COA1: variants seen among roughly 807,000 people sequenced by gnomAD.
The protein encoded by COA1 is cytochrome c oxidase assembly factor 1 homolog.
Under a neutral mutation model 16.0 loss-of-function variants are expected in COA1, and 13 were observed. That is an observed-to-expected ratio of 0.81 (90% CI 0.53 to 1.29). COA1 has a LOEUF of 1.29. Ranked by LOEUF, COA1 falls within the 50% of genes most tolerant of loss-of-function variation. The pLI is 0.00. For missense variants in COA1, 179 were observed against 177.0 expected, an observed-to-expected ratio of 1.01 and a Z score of -0.06; for synonymous variants, 65 against 65.7, an observed-to-expected ratio of 0.99 and a Z score of 0.05.
At chr7:43,712,940 T>C (rs2095295336) in intron 1 of COA1, among the ~76,000 whole-genome samples, 1 of 152,098 alleles carries the variant, frequency 6.6e-6, no homozygotes, top group Non-Finnish European at 1.5e-5. Context: ...TACATATATA[T>C]GGTTTTTTTG....
intron 6 of COA1, among the ~76,000 whole-genome samples, chr7:43,614,809 A>G (rs1270981069): frequency 6.6e-6 from 1 of 152,232 alleles, no homozygotes; most frequent in Non-Finnish European, 1.5e-5. Flanking sequence ...AGATTTTAAT[A>G]ATTTGATCAC....
rs541091696 is a variant in COA1, at chr7:43,674,515, G to A, written c.-38-25863C>T. Among the ~76,000 whole-genome samples the A allele has an allele frequency of 7.9e-5, 12 of 152,292 alleles. No homozygotes were observed. The South Asian group carries it at 1.2e-3, about 16-fold the overall frequency. On this transcript the variant is annotated intron_variant, in intron 1 of 5. Transcript: ENST00000223336. ...CTTTATAAAACTCTATAATTTTGAG[G>A]AAGAGTTGGAGAAATCACCCTAAAC...
intron 6 of COA1, among the ~76,000 whole-genome samples, chr7:43,614,722 TAAC>T (rs2083189379): frequency 6.6e-6 from 1 of 152,250 alleles, no homozygotes; most frequent in South Asian, 2.1e-4. Context: ...CTCAGTTGTT[TAAC>T]TTCATTTTTA....
intron 1 of COA1, among the ~76,000 whole-genome samples, chr7:43,663,666 CAAA>C (rs759423078): frequency 1.4e-5 from 1 of 70,620 alleles, no homozygotes; most frequent in Non-Finnish European, 2.5e-5. Context: ...GACCCTATCT[CAAA>C]AAAAAAAAAA....
chr7:43,718,724 C>T (rs6942465), intron 1 of COA1, among the ~76,000 whole-genome samples: 18 of 152,148 alleles, frequency 1.2e-4, no homozygotes, highest in African/African-American at 4.1e-4. Flanking sequence ...AGATACTTGG[C>T]TTTGCTACTT....
At chr7:43,652,498 T>C (rs1385261775) in intron 1 of COA1, among the ~76,000 whole-genome samples, 1 of 152,232 alleles carries the variant, frequency 6.6e-6, no homozygotes, top group East Asian at 1.9e-4. Flanking sequence ...CTTATGGTCA[T>C]GCAGCTATTC....
At chr7:43,667,852 T>C (rs1241379937) in intron 1 of COA1, among the ~76,000 whole-genome samples, 1 of 152,246 alleles carries the variant, frequency 6.6e-6, no homozygotes. Flanking sequence ...AGGAAACTTA[T>C]TTTAACTATT....
Position 43,628,667 on chromosome 7 carries a change from CATG to C in COA1, c.*133+10779_*133+10781del, listed in dbSNP as rs565266587. Among the ~76,000 whole-genome samples, 42 of 152,266 alleles carry C rather than the reference CATG, an allele frequency of 2.8e-4. 1 individual carries two copies. The highest frequency in any genetic ancestry group is 2.0e-3 in the Admixed American group (31 of 15,294). ...TGCTTCTGGATATGTGGCGGTATCT[CATG>C]GTGGTTTAGTTTGCATTTCCCTGAT... On this transcript the variant is annotated intron_variant and NMD_transcript_variant, in intron 6 of 6. Coordinates refer to the COA1 transcript ENST00000415076.
chr7:43,649,331 A>G (rs2090277057), intron 1 of COA1: 1 of 152,270 alleles, frequency 6.6e-6, no homozygotes, highest in Non-Finnish European at 1.5e-5. Flanking sequence ...GTCTGGCTCC[A>G]GCATCTGCTC....
intron 1 of COA1, among the ~76,000 whole-genome samples, chr7:43,670,187 G>A (rs777887647): frequency 1.5e-4 from 23 of 152,092 alleles, no homozygotes; most frequent in Non-Finnish European, 2.5e-4. Flanking sequence ...AGTGGTTCAC[G>A]CCTGTAATCC....
Position 43,647,372 on chromosome 7 carries a change from GAT to G in COA1, c.115+161_115+162del. 4 of 628,860 alleles carry G rather than the reference GAT, an allele frequency of 6.4e-6. No individual in the cohort carries two copies. In the South Asian group the frequency reaches 7.6e-5, roughly 12 times the overall value. The allele number at this position is 628,860 out of a possible 1,614,324, so 39.0% of individuals were successfully genotyped here. On this transcript the variant is annotated intron_variant, in intron 3 of 5. Coordinates refer to ENST00000223336, the MANE Select transcript of COA1 (RefSeq NM_018224.4). The stretch of plus-strand genomic sequence containing the variant: ...GCTCCTGGAAAAACTGAGATTACAG[GAT>G]ACAGAGGAAGCTATAGCCAACGAAA...
chr7:43,682,302 T>G (rs1355582292), intron 1 of COA1, among the ~76,000 whole-genome samples: 2 of 152,238 alleles, frequency 1.3e-5, no homozygotes, highest in Non-Finnish European at 2.9e-5. Flanking sequence ...TGAGAAATTA[T>G]TGATCACTAC....
chr7:43,640,342 T>C (rs1435015517), intron 5 of COA1, among the ~76,000 whole-genome samples: 1 of 152,214 alleles, frequency 6.6e-6, no homozygotes, highest in Non-Finnish European at 1.5e-5. Flanking sequence ...GTTTTACAAA[T>C]TCAACGGCAT....
chr7:43,723,591 TG>T (rs2095552533), intron 1 of COA1, among the ~76,000 whole-genome samples: 1 of 151,698 alleles, frequency 6.6e-6, no homozygotes, highest in African/African-American at 2.4e-5. Flanking sequence ...TCTGTCATGA[TG>T]GGTAATTTCC....
At chr7:43,680,757 C>A (rs1309871262) in intron 1 of COA1, among the ~76,000 whole-genome samples, 2 of 152,108 alleles carry the variant, frequency 1.3e-5, no homozygotes, top group Non-Finnish European at 2.9e-5. Context: ...TCACTTGAGC[C>A]CAGGAGTTCG....
At position 43,710,396 on chromosome 7, in the gene COA1, T is replaced by TATATATA. The variant is rs1210512835; in HGVS notation, c.-39+19032_-39+19033insTATATAT. Among the ~76,000 whole-genome samples, 18 of 97,514 alleles carry TATATATA rather than the reference T, an allele frequency of 1.8e-4. 1 individual carries two copies. The highest frequency in any genetic ancestry group is 3.6e-4 in the Non-Finnish European group (16 of 44,904). The allele number at this position is 97,514 out of a possible 152,430, so 64.0% of individuals were successfully genotyped here. ...AAAAAATATATATATATATATATAT[T>TATATATA]TTTAAGATATGTCCTAAACAGTTGA... On this transcript the variant is annotated intron_variant, in intron 1 of 5. Coordinates refer to ENST00000223336, the MANE Select transcript of COA1 (RefSeq NM_018224.4).
rs751652291 is a variant in COA1, at chr7:43,647,618, C to T, written c.32G>A (p.Arg11Gln). 1.2e-5 allele frequency: 19 copies of T among 1,612,416 alleles called. No homozygotes were observed. Among genetic ancestry groups the T allele is most frequent in the African/African-American group, 9.3e-5 (7 of 74,870 alleles). ...GATCCTTGCTCCCAGAGGCATTGAC[C>T]GCCTGCTTCCTGCATACTTAAAAAC... MMWQKYAGSR[R>Q]SMPLGARILF... Residue 11 changes from arginine (R) to glutamine (Q), a missense_variant, in exon 3 of 6, where the codon CGG becomes CAG. Physicochemically the swap from Arg to Gln is conservative, Grantham distance 43. Coordinates refer to ENST00000223336, the MANE Select transcript of COA1 (RefSeq NM_018224.4).
chr7:43,647,944 G>A (rs879544558), intron 2 of COA1: 17 of 323,990 alleles, frequency 5.2e-5, no homozygotes, highest in Admixed American at 1.8e-4. Flanking sequence ...CCCAGACTGT[G>A]TGCCAAGCCC....
chr7:43,634,228 T>A (rs1455872157), intron 6 of COA1, among the ~76,000 whole-genome samples: 2 of 152,250 alleles, frequency 1.3e-5, no homozygotes, highest in Non-Finnish European at 2.9e-5. Flanking sequence ...GGTTGACATT[T>A]GCCTGGTTCT....
Sources: gnomAD v4.1 joint callset for allele counts (sites outside exome capture counted in the v4.1 genomes callset) on GRCh38, gnomAD v4.1.1 for gene constraint, MANE v1.5 for transcripts, NCBI Gene and HGNC (gene_info 2026-07-23, HGNC 2026-07-21) for gene names.